Variants in GABRA3 observed in about 807,000 individuals in gnomAD.
GABRA3 encodes the protein gamma-aminobutyric acid receptor subunit alpha-3.
Under a neutral mutation model 30.1 loss-of-function variants are expected in GABRA3, and 10 were observed. The ratio of observed to expected loss-of-function variants is 0.33; its 90% CI spans 0.20 to 0.56. The LOEUF is 0.56. Ranked by LOEUF, GABRA3 falls within the 20% of genes least tolerant of loss-of-function variation. The probability of loss-of-function intolerance (pLI) is 0.89; values close to 1 mark genes in which losing one functional copy is unlikely to be tolerated. For synonymous variants in GABRA3, 151 were observed against 146.8 expected (o/e 1.03, Z -0.21); for missense variants, 233 against 392.0 (o/e 0.59, Z 3.42).
intron 3 of GABRA3, among the ~76,000 whole-genome samples, chrX:152,285,745 A>G (rs1036667756): frequency 9.1e-6 from 1 of 110,161 alleles, no homozygotes; most frequent in Non-Finnish European, 1.9e-5. Context: ...CACTCCTCAT[A>G]GATGGTGCCT....
chrX:152,416,756 GA>G (rs1221017078), intron 1 of GABRA3, among the ~76,000 whole-genome samples: 5 of 110,500 alleles, frequency 4.5e-5, no homozygotes, highest in African/African-American at 1.6e-4. Context: ...ACAAACCTGA[GA>G]AAAACAAGAA....
chrX:152,201,214 T>G (rs1045397416), intron 7 of GABRA3, among the ~76,000 whole-genome samples: 2 of 111,498 alleles, frequency 1.8e-5, no homozygotes, highest in African/African-American at 6.6e-5. Flanking sequence ...TATATCTTCT[T>G]CTCTGCCAAA....
At chrX:152,171,523 A>T (rs753324000) in intron 9 of GABRA3, 1 of 121,042 alleles carries the variant, frequency 8.3e-6, no homozygotes, top group South Asian at 3.5e-4. Flanking sequence ...TTCTACACCT[A>T]GTTTTCCAGT....
chrX:152,351,970 G>A (rs775321192), intron 2 of GABRA3, among the ~76,000 whole-genome samples: 4 of 111,338 alleles, frequency 3.6e-5, no homozygotes, highest in African/African-American at 6.5e-5. Context: ...AATATTTACC[G>A]ATTAAGTCCA....
chrX:152,399,360 G>C, intron 1 of GABRA3, among the ~76,000 whole-genome samples: 1 of 111,854 alleles, frequency 8.9e-6, no homozygotes, highest in East Asian at 2.8e-4. Context: ...ATGATTTGGG[G>C]AATAGAGGAA....
At chrX:152,449,296 G>A (rs185271683) in intron 1 of GABRA3, among the ~76,000 whole-genome samples, 1 of 112,034 alleles carries the variant, frequency 8.9e-6, no homozygotes, top group African/African-American at 3.2e-5. Context: ...TCACTGCAGG[G>A]AGTTCAACTA....
At chrX:152,419,127 AC>A (rs1196859798) in intron 1 of GABRA3, among the ~76,000 whole-genome samples, 1 of 105,908 alleles carries the variant, frequency 9.4e-6, no homozygotes, top group Non-Finnish European at 1.9e-5. Context: ...AACATCACAC[AC>A]CGGGGTCTGT....
At chrX:152,418,581 T>C (rs913686405) in intron 1 of GABRA3, among the ~76,000 whole-genome samples, 4 of 111,730 alleles carry the variant, frequency 3.6e-5, no homozygotes, top group Non-Finnish European at 7.5e-5. Flanking sequence ...CGGAAGTATA[T>C]AAATCTGTGA....
At position 152,234,118 on chromosome X, in the gene GABRA3, G is replaced by A. The variant is rs978525201; in HGVS notation, c.552-9273C>T. 4.7e-5 allele frequency among the ~76,000 whole-genome samples: 5 copies of A among 106,977 alleles called. No individual in the cohort carries two copies. The Admixed American group carries it at 5.0e-4, about 11-fold the overall frequency. The allele number at this position is 106,977 out of a possible 115,157, so 92.9% of individuals were successfully genotyped here. ...GCTAGATGAGGAGTTAGTGGGTGCA[G>A]TGCACCAGCATGGCACATGTATACA... is the stretch of plus-strand genomic sequence containing the variant. On this transcript the variant is annotated intron_variant, in intron 5 of 9. Transcript: ENST00000370314.
At chrX:152,328,197 G>A (rs909337729) in intron 3 of GABRA3, among the ~76,000 whole-genome samples, 3 of 111,559 alleles carry the variant, frequency 2.7e-5, no homozygotes, top group East Asian at 5.6e-4. Context: ...TGAAATTGAG[G>A]CAATAATTAA....
chrX:152,449,602 G>A (rs770713392), intron 1 of GABRA3, among the ~76,000 whole-genome samples: 3 of 111,023 alleles, frequency 2.7e-5, no homozygotes, highest in Non-Finnish European at 5.7e-5. Flanking sequence ...GGTGAAGCCC[G>A]GCTCCAGGCT....
intron 4 of GABRA3, among the ~76,000 whole-genome samples, chrX:152,277,170 C>A (rs1250842644): frequency 9.0e-6 from 1 of 111,035 alleles, no homozygotes; most frequent in African/African-American, 3.3e-5. Flanking sequence ...GACATAGCTA[C>A]TTTTTCTAGT....
rs1220348205 is a variant in GABRA3 at position 152,237,869 on chromosome X, T to C, written c.552-13024A>G. 9.7e-4 allele frequency among the ~76,000 whole-genome samples: 107 copies of C among 110,285 alleles called. No homozygotes were observed. The Middle Eastern group carries it at 0.014, about 15-fold the overall frequency. On this transcript the variant is annotated intron_variant, in intron 5 of 9. Transcript: ENST00000370314. ...TATCCTGAGACTTTGCTGAAGTTGC[T>C]TATCAGCTTAAGGATATTTTGGGCT...
intron 3 of GABRA3, among the ~76,000 whole-genome samples, chrX:152,302,634 T>C (rs1355758660): frequency 9.0e-6 from 1 of 110,990 alleles, no homozygotes; most frequent in African/African-American, 3.3e-5. Flanking sequence ...GTCACCAAGG[T>C]ATATGGTGAC....
chrX:152,248,508 AAAAG>A (rs1206795700), intron 5 of GABRA3, among the ~76,000 whole-genome samples: 2 of 111,181 alleles, frequency 1.8e-5, no homozygotes, highest in Non-Finnish European at 3.8e-5. Context: ...ATTTAAAAAA[AAAAG>A]AAAACCATGT....
chrX:152,183,904 T>C (rs889836644), intron 9 of GABRA3, among the ~76,000 whole-genome samples: 2 of 111,554 alleles, frequency 1.8e-5, no homozygotes, highest in African/African-American at 6.5e-5. Context: ...ACTATTGTGG[T>C]TGGGAAAGAT....
rs770960067 is a variant in GABRA3, at chrX:152,318,890, G to A, written c.262+26691C>T. Among the ~76,000 whole-genome samples the A allele has an allele frequency of 1.4e-3, 155 of 111,234 alleles. 3 individuals are homozygous for A. The highest frequency in any genetic ancestry group is 1.9e-3 in the Admixed American group (20 of 10,420). On this transcript the variant is annotated intron_variant, in intron 3 of 9. Transcript: ENST00000370314. ...ACCCACAGCCAAAATAATACTAAAC[G>A]GAGAAAAGTTGAAAGCATTCCCTCT... is the stretch of plus-strand genomic sequence containing the variant.
At chrX:152,377,395 C>A (rs1488089337) in intron 1 of GABRA3, among the ~76,000 whole-genome samples, 1 of 111,315 alleles carries the variant, frequency 9.0e-6, no homozygotes, top group Non-Finnish European at 1.9e-5. Context: ...ACTCAGTTTG[C>A]AATGACTAAG....
chrX:152,264,632 A>G (rs1399546724), intron 4 of GABRA3, among the ~76,000 whole-genome samples: 1 of 111,555 alleles, frequency 9.0e-6, no homozygotes, highest in African/African-American at 3.2e-5. Flanking sequence ...TGGCAGAAGT[A>G]AGTCCTTGCT....
Sources: gnomAD v4.1 joint callset for allele counts (sites outside exome capture counted in the v4.1 genomes callset) on GRCh38, gnomAD v4.1.1 for gene constraint, MANE v1.5 for transcripts, NCBI Gene and HGNC (gene_info 2026-07-23, HGNC 2026-07-21) for gene names.